Variants in FNDC1 observed in about 807,000 individuals in gnomAD.
The protein encoded by FNDC1 is fibronectin type III domain-containing protein 1.
A neutral mutation model predicts 168.0 loss-of-function variants in FNDC1; 96 were observed. That is an observed-to-expected ratio of 0.57 (90% CI 0.48 to 0.68). The LOEUF (loss-of-function observed/expected upper bound fraction) is 0.68. FNDC1 is among the 30% of genes least tolerant of loss of function. The pLI, the probability that FNDC1 is intolerant of heterozygous loss-of-function variation, is 0.00. For missense variants in FNDC1, 2,587 were observed against 2,482.1 expected (o/e 1.04, Z -0.90); for synonymous variants, 1,099 against 1,025.9 (o/e 1.07, Z -1.36).
intron 12 of FNDC1, among the ~76,000 whole-genome samples, chr6:159,237,120 G>A (rs1454771381): frequency 6.6e-6 from 1 of 152,196 alleles, no homozygotes; most frequent in Non-Finnish European, 1.5e-5. Flanking sequence ...TAAAGGAAGA[G>A]AAATTTATAG....
chr6:159,240,792 T>A (rs1783401986), intron 14 of FNDC1: 1 of 152,218 alleles, frequency 6.6e-6, no homozygotes, highest in South Asian at 2.1e-4. Flanking sequence ...TTGGAAGAAG[T>A]CATTCTAGAT....
intron 14 of FNDC1, among the ~76,000 whole-genome samples, 185 bp from the exon 15 acceptor site, chr6:159,246,716 A>G (rs1777143411): frequency 6.6e-6 from 1 of 152,170 alleles, no homozygotes; most frequent in African/African-American, 2.4e-5. Flanking sequence ...AAGGAGAGAA[A>G]GTCTGGGTTC....
At chr6:159,176,979 A>C (rs1781774179) in intron 1 of FNDC1, among the ~76,000 whole-genome samples, 1 of 152,210 alleles carries the variant, frequency 6.6e-6, no homozygotes, top group South Asian at 2.1e-4. Context: ...CGTATGTTCC[A>C]GAACAGTCTT....
chr6:159,189,087 G>A (rs576688734), intron 1 of FNDC1, among the ~76,000 whole-genome samples: 1 of 152,280 alleles, frequency 6.6e-6, no homozygotes, highest in South Asian at 2.1e-4. Flanking sequence ...GATTAATAAT[G>A]TTCTAGCCCA....
rs1312385222 is a variant in FNDC1 at position 159,251,436 on chromosome 6, C to T, written c.4969C>T (p.His1657Tyr). ...DLKKSDLPPQ[H>Y]APRNITVVAV... The stretch of plus-strand genomic sequence containing the variant: ...GAAGAAGAGTGACCTGCCTCCCCAG[C>T]ATGCTCCCCGCAACATCACCGTGGT... Residue 1657 changes from histidine to tyrosine, a missense_variant, in exon 17 of 23, where the codon CAT (histidine) becomes TAT (tyrosine). Transcript: ENST00000297267. The T allele has an allele frequency of 6.2e-7, 1 of 1,613,812 alleles. No individual in the cohort carries two copies. Among genetic ancestry groups the T allele is most frequent in the African/African-American group, 1.3e-5 (1 of 74,910 alleles).
intron 4 of FNDC1, among the ~76,000 whole-genome samples, chr6:159,205,548 G>C (rs74380575): frequency 0.031 from 4,652 of 152,248 alleles, 271 homozygotes; most frequent in African/African-American, 0.11. Context: ...GCCCTGACTA[G>C]CTCTCAGCCA....
chr6:159,255,003 A>G (rs1037811231), intron 17 of FNDC1, among the ~76,000 whole-genome samples: 8 of 152,186 alleles, frequency 5.3e-5, no homozygotes, highest in Non-Finnish European at 1.2e-4. Context: ...TTACTGTAAG[A>G]GCTGTATAAC....
intron 1 of FNDC1, among the ~76,000 whole-genome samples, chr6:159,194,825 G>A (rs978567849): frequency 6.6e-6 from 1 of 152,132 alleles, no homozygotes; most frequent in Non-Finnish European, 1.5e-5. Flanking sequence ...CGGGTGAGAG[G>A]CAGGGCTGGA....
intron 9 of FNDC1, 99 bp downstream of exon 9, chr6:159,226,679 A>G: frequency 2.2e-6 from 2 of 904,944 alleles, no homozygotes; most frequent in Non-Finnish European, 1.7e-6. Context: ...GGGAAGCAAC[A>G]TATGTCTAAG....
intron 5 of FNDC1, among the ~76,000 whole-genome samples, chr6:159,217,817 A>G (rs751445006): frequency 5.9e-5 from 9 of 152,194 alleles, no homozygotes; most frequent in Non-Finnish European, 1.0e-4. Context: ...TGAAATGTCA[A>G]GGGAATGCAG....
At chr6:159,256,382 A>G in intron 17 of FNDC1, 141 bp from the exon 18 acceptor site, 1 of 660,482 alleles carries the variant, frequency 1.5e-6, no homozygotes, top group Admixed American at 2.7e-5. Flanking sequence ...CCTGTCCCAC[A>G]GTGCCGCGTG....
intron 20 of FNDC1, 82 bp downstream of exon 20, chr6:159,265,086 T>C: frequency 1.6e-6 from 2 of 1,233,536 alleles, no homozygotes; most frequent in Non-Finnish European, 2.3e-6. Flanking sequence ...TTACTCACAA[T>C]TAGAAAGTCT....
At chr6:159,255,079 G>T (rs542352754) in intron 17 of FNDC1, among the ~76,000 whole-genome samples, 2 of 152,336 alleles carry the variant, frequency 1.3e-5, no homozygotes, top group South Asian at 4.1e-4. Context: ...CAGGAGAGAT[G>T]TGTTGAATAT....
chr6:159,232,172 A>G lies in FNDC1; in HGVS notation c.1660A>G (p.Met554Val), dbSNP rs377019836. 2.5e-6 allele frequency: 4 copies of G among 1,613,706 alleles called. No homozygotes were observed. Among genetic ancestry groups the G allele is most frequent in the Non-Finnish European group, 3.4e-6 (4 of 1,179,868 alleles). Reference protein sequence around the residue: ...EELGSREDSPMSPSDTQDQKR... With the variant: ...EELGSREDSPVSPSDTQDQKR... ...GCTGGGTTCCCGGGAGGACTCGCCCATGTCACCCTCAGACACCCAAGACCA... is the reference window on the plus strand; with the variant it reads ...GCTGGGTTCCCGGGAGGACTCGCCCGTGTCACCCTCAGACACCCAAGACCA... The change falls in exon 11 of 23, where the codon ATG becomes GTG. Residue 554 changes from methionine to valine, a missense_variant. Transcript: ENST00000297267. The surrounding 1 kb of genome is among the most constrained non-coding windows in gnomAD (Gnocchi z 4.9).
At chr6:159,269,397 CTGTCTATG>C (rs138293705) in intron 22 of FNDC1, among the ~76,000 whole-genome samples, 6,082 of 42,344 alleles carry the variant, frequency 0.14, 1,678 homozygotes, top group East Asian at 0.58. Context: ...ATCTATCCAT[CTGTCTATG>C]TATGTATGTA....
chr6:159,212,944 A>G (rs1206221476), intron 4 of FNDC1, among the ~76,000 whole-genome samples: 1 of 152,194 alleles, frequency 6.6e-6, no homozygotes, highest in Non-Finnish European at 1.5e-5. Context: ...CTAAACAGCT[A>G]TGTGACTGTC....
At chr6:159,186,711 A>G (rs1227491387) in intron 1 of FNDC1, among the ~76,000 whole-genome samples, 3 of 152,246 alleles carry the variant, frequency 2.0e-5, no homozygotes, top group African/African-American at 7.2e-5. Context: ...AGAGGTGGAA[A>G]GTGCTCACAC....
intron 19 of FNDC1, among the ~76,000 whole-genome samples, chr6:159,264,708 A>G (rs986747412): frequency 1.3e-5 from 2 of 152,236 alleles, no homozygotes; most frequent in African/African-American, 4.8e-5. Flanking sequence ...TGAGTACTGA[A>G]TTATTTTGTA....
At chr6:159,265,616 G>A (rs754274561) in intron 20 of FNDC1, among the ~76,000 whole-genome samples, 8 of 152,132 alleles carry the variant, frequency 5.3e-5, no homozygotes, top group Non-Finnish European at 8.8e-5. Context: ...GAGAAGGAGG[G>A]CGGGAAAACT....
Sources: allele counts gnomAD v4.1 joint callset (sites outside exome capture counted in the v4.1 genomes callset), GRCh38; gene constraint gnomAD v4.1.1; non-coding constraint Gnocchi (gnomAD v3.1); transcripts MANE v1.5; gene names NCBI Gene and HGNC (gene_info 2026-07-23, HGNC 2026-07-21).